The following NWD1 variants were observed in gnomAD, a reference collection of about 807,000 sequenced individuals.
NWD1 encodes the protein NACHT and WD repeat domain containing 1, also known as NACHT domain- and WD repeat-containing protein 1.
A neutral mutation model predicts 135.1 loss-of-function variants in NWD1; 129 were observed. That is an observed-to-expected ratio of 0.96 (90% confidence interval 0.83 to 1.11). The LOEUF (loss-of-function observed/expected upper bound fraction) is 1.11, where lower values mean the gene tolerates loss of function less well. Ranked by LOEUF, NWD1 falls within the 50% of genes least tolerant of loss-of-function variation. NWD1 has a pLI of 0.00. For missense variants in NWD1, 1,740 were observed against 1,851.3 expected, an observed-to-expected ratio of 0.94 and a Z score of 1.10; for synonymous variants, 773 against 786.0, an observed-to-expected ratio of 0.98 and a Z score of 0.28.
At chr19:16,774,356 C>T (rs1456874195) in intron 11 of NWD1, among the ~76,000 whole-genome samples, 1 of 151,792 alleles carries the variant, frequency 6.6e-6, no homozygotes, top group African/African-American at 2.4e-5. Context: ...ATCCTCCCAC[C>T]CATCCACCCA....
chr19:16,780,769 C>A (rs993438546), intron 12 of NWD1, among the ~76,000 whole-genome samples: 8 of 151,974 alleles, frequency 5.3e-5, no homozygotes, highest in African/African-American at 1.9e-4. Flanking sequence ...GCAATCCTCC[C>A]ATCTCAGCCT....
chr19:16,760,741 C>T (rs1245440264), intron 7 of NWD1, among the ~76,000 whole-genome samples: 2 of 152,034 alleles, frequency 1.3e-5, no homozygotes, highest in Non-Finnish European at 2.9e-5. Flanking sequence ...CAAGCATGAG[C>T]CACCACACCC....
chr19:16,780,447 T>C (rs1969817730), intron 12 of NWD1, among the ~76,000 whole-genome samples: 1 of 151,698 alleles, frequency 6.6e-6, no homozygotes, highest in South Asian at 2.1e-4. Context: ...TGAGCCACCG[T>C]GCCCAGCCAA....
intron 5 of NWD1, among the ~76,000 whole-genome samples, chr19:16,746,690 C>CAAA (rs756038608): frequency 0.046 from 5,785 of 126,514 alleles, 128 homozygotes; most frequent in African/African-American, 0.08. Flanking sequence ...AAACAAAAAA[C>CAAA]AACAAAAAAA....
At chr19:16,810,042 T>A (rs981187345) in intron 18 of NWD1, among the ~76,000 whole-genome samples, 1 of 152,072 alleles carries the variant, frequency 6.6e-6, no homozygotes, top group African/African-American at 2.4e-5. Context: ...GGCAAAAGGA[T>A]TTTTTTGTGT....
chr19:16,739,790 G>C (rs1233688803), intron 4 of NWD1, among the ~76,000 whole-genome samples: 1 of 152,142 alleles, frequency 6.6e-6, no homozygotes, highest in African/African-American at 2.4e-5. Flanking sequence ...CTGTCTCTTG[G>C]GCTATCAGCA....
chr19:16,744,316 G>T (rs148976229), intron 4 of NWD1, 105 bp from the exon 5 acceptor site: 24,440 of 879,766 alleles, frequency 0.028, 466 homozygotes, highest in South Asian at 0.062. Context: ...GGTTGAGGCT[G>T]CAGTGAGCCA....
rs552452590 is a variant in NWD1 at position 16,783,002 on chromosome 19, CTCTT to C, written c.2731+3548_2731+3551del. The stretch of plus-strand genomic sequence containing the variant: ...CTCCCTCCCTCCCTCCTTTCTCTCT[CTCTT>C]TCTTTCTTTCCTTCTTTCTTTCTTT... On this transcript the variant is annotated intron_variant, in intron 12 of 18. Transcript: ENST00000524140. Among the ~76,000 whole-genome samples, 634 of 128,118 alleles carry C rather than the reference CTCTT, an allele frequency of 4.9e-3. 3 individuals carry two copies. Among genetic ancestry groups the C allele is most frequent in the Middle Eastern group, 0.012 (3 of 258 alleles). The allele number at this position is 128,118 out of a possible 152,430, so 84.1% of individuals were successfully genotyped here. A position where few individuals can be genotyped will look rare whatever the true frequency, so the allele number is the denominator to read the frequency against.
chr19:16,775,862 T>C (rs1285530614), intron 11 of NWD1, among the ~76,000 whole-genome samples: 1 of 152,020 alleles, frequency 6.6e-6, no homozygotes, highest in African/African-American at 2.4e-5. Context: ...GAGACAGGGT[T>C]TCACCATGTT....
Position 16,814,829 on chromosome 19 carries a change from C to T in NWD1, c.4288-199C>T, listed in dbSNP as rs575043260. On this transcript the variant is annotated intron_variant, in intron 18 of 18. Coordinates refer to ENST00000524140, the MANE Select transcript of NWD1 (RefSeq NM_001007525.5). ...TGATGCCTTTCAATCTTAAAAATCGCCCTGAGCAGGTGTAGGTTCTGTTAT... is the reference window on the plus strand; with the variant it reads ...TGATGCCTTTCAATCTTAAAAATCGTCCTGAGCAGGTGTAGGTTCTGTTAT... Among the ~76,000 whole-genome samples, 7 of 152,238 alleles carry T rather than the reference C, an allele frequency of 4.6e-5. No homozygotes were observed. In the East Asian group the frequency reaches 1.3e-3, roughly 29 times the overall value.
intron 7 of NWD1, among the ~76,000 whole-genome samples, chr19:16,761,104 A>G (rs1379853905): frequency 6.6e-6 from 1 of 151,994 alleles, no homozygotes; most frequent in Non-Finnish European, 1.5e-5. Context: ...AGATCAACGA[A>G]ATCTCACACT....
At chr19:16,775,492 C>T (rs1345123260) in intron 11 of NWD1, among the ~76,000 whole-genome samples, 1 of 152,084 alleles carries the variant, frequency 6.6e-6, no homozygotes, top group African/African-American at 2.4e-5. Context: ...TGCTCCAACT[C>T]CTACCATCAA....
At chr19:16,810,437 CAAAAAAAAAAA>C (rs529841524) in intron 18 of NWD1, among the ~76,000 whole-genome samples, 1 of 66,280 alleles carries the variant, frequency 1.5e-5, no homozygotes, top group Admixed American at 1.7e-4. Flanking sequence ...GACTCCATCT[CAAAAAAAAAAA>C]AAAAAAAAAG....
chr19:16,755,233 G>C (rs1279681886), intron 6 of NWD1, among the ~76,000 whole-genome samples: 1 of 151,528 alleles, frequency 6.6e-6, no homozygotes, highest in Non-Finnish European at 1.5e-5. Context: ...TTTTTGGGGG[G>C]GGACAGGGTC....
rs1272527680 is a variant in NWD1, at chr19:16,731,218, C to T, written c.21C>T (p.Cys7=). ...TATGGATGCAGAGAGGGAAGCCCTG[C>T]AGAGCACTGCCTACCCTGAAGTGCC... is the stretch of plus-strand genomic sequence containing the variant. MQRGKP[C]RALPTLKCQT... Residue 7 remains cysteine (C), a synonymous_variant, in exon 3 of 19, where the codon TGC becomes TGT. Coordinates refer to ENST00000524140, the MANE Select transcript of NWD1 (RefSeq NM_001007525.5). 3 of 1,534,372 alleles carry T rather than the reference C, an allele frequency of 2.0e-6. No individual in the cohort carries two copies. Among genetic ancestry groups the T allele is most frequent in the Non-Finnish European group, 1.7e-6 (2 of 1,145,222 alleles).
intron 12 of NWD1, among the ~76,000 whole-genome samples, chr19:16,779,741 A>G (rs559920401): frequency 9.9e-5 from 15 of 151,968 alleles, no homozygotes; most frequent in Non-Finnish European, 1.8e-4. Flanking sequence ...GGGCCAAGTG[A>G]TCCTCCTGCC....
intron 12 of NWD1, among the ~76,000 whole-genome samples, chr19:16,782,438 C>T (rs1317374506): frequency 1.3e-5 from 2 of 151,948 alleles, no homozygotes; most frequent in Non-Finnish European, 2.9e-5. Context: ...TGTATTCCAT[C>T]CTGGGCGACA....
chr19:16,766,161 TATA>T (rs147219947), intron 10 of NWD1, among the ~76,000 whole-genome samples: 1,933 of 152,168 alleles, frequency 0.013, 51 homozygotes, highest in African/African-American at 0.044. Flanking sequence ...AAATTCAAAA[TATA>T]ATAATAACTG....
At chr19:16,776,070 C>T (rs1240512835) in intron 11 of NWD1, among the ~76,000 whole-genome samples, 1 of 152,140 alleles carries the variant, frequency 6.6e-6, no homozygotes, top group Non-Finnish European at 1.5e-5. Context: ...TATGGGGGCA[C>T]AAATCGCACA....
Sources: gnomAD v4.1 joint callset for allele counts (sites outside exome capture counted in the v4.1 genomes callset) on GRCh38, gnomAD v4.1.1 for gene constraint, MANE v1.5 for transcripts, NCBI Gene and HGNC (gene_info 2026-07-23, HGNC 2026-07-21) for gene names.